Variants in FNDC3A observed in about 807,000 individuals in gnomAD.
FNDC3A encodes fibronectin type-III domain-containing protein 3A.
Under a neutral mutation model 148.9 loss-of-function variants are expected in FNDC3A, and 32 were observed. The ratio of observed to expected loss-of-function variants is 0.21; its 90% CI spans 0.16 to 0.29. The LOEUF is 0.29. Ranked by LOEUF, FNDC3A falls within the 10% of genes least tolerant of loss-of-function variation. The probability of loss-of-function intolerance (pLI) is 1.00; values close to 1 mark genes in which losing one functional copy is unlikely to be tolerated. For missense variants in FNDC3A, 1,191 were observed against 1,452.8 expected, an observed-to-expected ratio of 0.82 and a Z score of 2.93; for synonymous variants, 472 against 473.6, an observed-to-expected ratio of 1.00 and a Z score of 0.04.
intron 1 of FNDC3A, among the ~76,000 whole-genome samples, chr13:48,999,648 T>C (rs943613984): frequency 1.4e-4 from 22 of 152,196 alleles, no homozygotes; most frequent in African/African-American, 4.8e-4. Context: ...CCGGAATTCA[T>C]ATATTGAACC....
intron 2 of FNDC3A, among the ~76,000 whole-genome samples, chr13:49,028,558 C>T (rs945355674): frequency 1.3e-5 from 2 of 151,994 alleles, no homozygotes; most frequent in African/African-American, 2.4e-5. Flanking sequence ...CTCTTGAAAT[C>T]AAAGACACAA....
chr13:49,114,516 C>A, intron 3 of FNDC3A, 139 bp from the exon 4 acceptor site: 1 of 432,564 alleles, frequency 2.3e-6, no homozygotes, highest in Non-Finnish European at 4.4e-6. Flanking sequence ...AGTCAATCAT[C>A]TGAATTTCTT....
intron 24 of FNDC3A, 51 bp from the exon 25 acceptor site, chr13:49,203,106 C>G (rs764755397): frequency 1.2e-5 from 15 of 1,256,160 alleles, no homozygotes; most frequent in Middle Eastern, 1.9e-4. Context: ...GCATGATGTA[C>G]CAAATTAAAA....
chr13:49,193,003 A>G lies in FNDC3A; in HGVS notation c.2226+1619A>G, dbSNP rs114768797. 4.0e-3 allele frequency among the ~76,000 whole-genome samples: 602 copies of G among 152,284 alleles called. 5 individuals are homozygous for G. The highest frequency in any genetic ancestry group is 0.014 in the African/African-American group (580 of 41,548). On this transcript the variant is annotated intron_variant, in intron 19 of 25. Transcript: ENST00000492622. ...GACATGAATTAACCTTGTTCAAAAA[A>G]GGGGGGCAAAAAAATGACATTTGTC...
intron 2 of FNDC3A, among the ~76,000 whole-genome samples, chr13:49,039,063 G>A (rs1044045387): frequency 2.0e-5 from 3 of 152,066 alleles, no homozygotes; most frequent in South Asian, 2.1e-4. Flanking sequence ...ATAGATTTTG[G>A]TGGTGCTGCG....
chr13:49,134,096 A>G (rs1301019349), intron 5 of FNDC3A, among the ~76,000 whole-genome samples: 1 of 152,166 alleles, frequency 6.6e-6, no homozygotes, highest in Non-Finnish European at 1.5e-5. Flanking sequence ...TTCAGTATGT[A>G]CTGTATTAAG....
Position 48,976,079 on chromosome 13 carries a change from G to A in FNDC3A, c.-138G>A, listed in dbSNP as rs1187971905. On this transcript the variant is annotated 5_prime_UTR_variant, in exon 1 of 26. Coordinates refer to ENST00000492622, the MANE Select transcript of FNDC3A (RefSeq NM_001079673.2). The stretch of plus-strand genomic sequence containing the variant: ...GCGCCGGCGGCCGCGGCGGCCCTGA[G>A]AGCTGACTCTGCAGCTGAGGTAGAG... 1.3e-5 allele frequency: 2 copies of A among 152,542 alleles called. No individual in the cohort carries two copies. The highest frequency in any genetic ancestry group is 1.9e-4 in the East Asian group (1 of 5,170). The allele number at this position is 152,542 out of a possible 1,614,324, so 9.4% of individuals were successfully genotyped here.
intron 23 of FNDC3A, among the ~76,000 whole-genome samples, chr13:49,200,369 C>G (rs1431634608): frequency 6.6e-6 from 1 of 152,132 alleles, no homozygotes; most frequent in East Asian, 1.9e-4. Context: ...TTCCTAAAAT[C>G]TGTATCGATG....
In FNDC3A at chr13:49,014,034, T is replaced by A. The variant is rs1449798550; in HGVS notation, c.99+7745T>A. Among the ~76,000 whole-genome samples, 10 of 146,604 alleles carry A rather than the reference T, an allele frequency of 6.8e-5. No homozygotes were observed. The East Asian group carries it at 2.0e-3, about 29-fold the overall frequency. ...TGGGTTGGTTCCAAGTCTTTGCTAT[T>A]GTGAATAATGCCGCAGTAAACATAC... On this transcript the variant is annotated intron_variant, in intron 2 of 25. Transcript: ENST00000492622.
intron 2 of FNDC3A, among the ~76,000 whole-genome samples, chr13:49,050,105 T>C (rs767483461): frequency 1.3e-5 from 2 of 152,232 alleles, no homozygotes; most frequent in African/African-American, 2.4e-5. Flanking sequence ...GTTTCATTTA[T>C]GTTTTGTATT....
intron 2 of FNDC3A, among the ~76,000 whole-genome samples, chr13:49,068,195 A>AGTGT (rs547733939): frequency 5.0e-5 from 6 of 120,478 alleles, no homozygotes; most frequent in African/African-American, 1.9e-4. Flanking sequence ...AAAGTGTGTA[A>AGTGT]GTGTGTGTGT....
At chr13:49,094,482 A>G (rs1196256269) in intron 3 of FNDC3A, among the ~76,000 whole-genome samples, 1 of 152,136 alleles carries the variant, frequency 6.6e-6, no homozygotes, top group Non-Finnish European at 1.5e-5. Context: ...TGTAGAAGAT[A>G]GAGTTGAATC....
chr13:49,155,099 G>A (rs1883572690), intron 8 of FNDC3A, among the ~76,000 whole-genome samples: 1 of 142,416 alleles, frequency 7.0e-6, no homozygotes, highest in Non-Finnish European at 1.5e-5. Flanking sequence ...AATGGTACCA[G>A]TTCCTCCTTG....
intron 8 of FNDC3A, among the ~76,000 whole-genome samples, chr13:49,153,912 G>C (rs1221630347): frequency 2.3e-5 from 3 of 130,202 alleles, no homozygotes; most frequent in East Asian, 2.1e-4. Context: ...TGCTGTTTTG[G>C]TTACTGTAGC....
chr13:49,013,618 A>G (rs1952416730), intron 2 of FNDC3A, among the ~76,000 whole-genome samples: 1 of 151,504 alleles, frequency 6.6e-6, no homozygotes, highest in South Asian at 2.1e-4. Flanking sequence ...ATACATGTGT[A>G]CACGTGTATA....
intron 2 of FNDC3A, among the ~76,000 whole-genome samples, chr13:49,029,708 C>T (rs1223071702): frequency 6.6e-6 from 1 of 152,064 alleles, no homozygotes; most frequent in East Asian, 1.9e-4. Context: ...CAGTGGTGAG[C>T]ATAGCTGCTT....
chr13:49,186,023 T>C lies in FNDC3A; in HGVS notation c.1677T>C (p.Thr559=). ...SNPSEVVEFT[T]CPDKPGIPVK... ...CAAGTGAAGTAGTAGAATTTACTACTTGCCCTGATAAACCAGGCATACCTG... is the reference window on the plus strand; with the variant it reads ...CAAGTGAAGTAGTAGAATTTACTACCTGCCCTGATAAACCAGGCATACCTG... The change falls in exon 15 of 26, where the codon ACT becomes ACC. Residue 559 remains threonine (T), a synonymous_variant. Coordinates refer to ENST00000492622, the MANE Select transcript of FNDC3A (RefSeq NM_001079673.2). 6.2e-7 allele frequency: 1 copy of C among 1,612,008 alleles called. No homozygotes were observed. Among genetic ancestry groups the C allele is most frequent in the South Asian group, 1.1e-5 (1 of 91,032 alleles).
At chr13:49,018,337 T>C (rs1286735099) in intron 2 of FNDC3A, among the ~76,000 whole-genome samples, 1 of 152,226 alleles carries the variant, frequency 6.6e-6, no homozygotes, top group Non-Finnish European at 1.5e-5. Flanking sequence ...CCCTTCTCGC[T>C]TCATTTCATT....
At chr13:49,151,065 T>G (rs1883262708) in intron 8 of FNDC3A, among the ~76,000 whole-genome samples, 1 of 152,230 alleles carries the variant, frequency 6.6e-6, no homozygotes, top group Non-Finnish European at 1.5e-5. Flanking sequence ...AGCCTTTGGA[T>G]GAAATGTATT....
Sources: allele counts gnomAD v4.1 joint callset (sites outside exome capture counted in the v4.1 genomes callset), GRCh38; gene constraint gnomAD v4.1.1; transcripts MANE v1.5; gene names NCBI Gene and HGNC (gene_info 2026-07-23, HGNC 2026-07-21).